Variants in ZNF385D observed in about 807,000 individuals in gnomAD.
ZNF385D encodes zinc finger protein 659.
ZNF385D carries 15 observed loss-of-function variants against 35.8 expected under a neutral mutation model. The observed-to-expected ratio is 0.42, with a 90% CI of 0.28 to 0.64. ZNF385D has a LOEUF of 0.64. ZNF385D is among the 30% of genes least tolerant of loss of function. ZNF385D has a pLI of 0.23. For synonymous variants in ZNF385D, 212 were observed against 186.8 expected (o/e 1.13, Z -1.10); for missense variants, 474 against 494.6 (o/e 0.96, Z 0.39).
chr3:22,321,053 T>G (rs1286008751), intron 2 of ZNF385D, among the ~76,000 whole-genome samples: 2 of 151,892 alleles, frequency 1.3e-5, no homozygotes, highest in African/African-American at 2.4e-5. Flanking sequence ...CTCCTAATTT[T>G]TACAATTGTT....
chr3:21,615,777 A>G (rs1001442110), intron 2 of ZNF385D, among the ~76,000 whole-genome samples: 2 of 108,448 alleles, frequency 1.8e-5, no homozygotes, highest in Non-Finnish European at 4.1e-5. Context: ...AATGACTGCA[A>G]AGAAAATGGA....
intron 3 of ZNF385D, among the ~76,000 whole-genome samples, chr3:21,812,287 G>A (rs574234117): frequency 3.9e-5 from 6 of 152,218 alleles, no homozygotes; most frequent in African/African-American, 9.6e-5. Flanking sequence ...CATGAGTGAC[G>A]CAGAAGATGG....
At chr3:21,737,009 G>A (rs186986155) in intron 1 of ZNF385D, among the ~76,000 whole-genome samples, 1 of 152,138 alleles carries the variant, frequency 6.6e-6, no homozygotes. Flanking sequence ...GCACAATCTC[G>A]GCTCACTGCA....
At chr3:22,105,740 C>T (rs1262021355) in intron 3 of ZNF385D, among the ~76,000 whole-genome samples, 1 of 152,092 alleles carries the variant, frequency 6.6e-6, no homozygotes, top group Non-Finnish European at 1.5e-5. Flanking sequence ...TTGGGTGATG[C>T]CTACCAACAT....
At chr3:21,990,560 G>A (rs974679486) in intron 3 of ZNF385D, among the ~76,000 whole-genome samples, 1 of 152,082 alleles carries the variant, frequency 6.6e-6, no homozygotes, top group Non-Finnish European at 1.5e-5. Flanking sequence ...GCAATTATCA[G>A]TAATTATATT....
At chr3:22,094,209 T>C (rs1471204322) in intron 3 of ZNF385D, among the ~76,000 whole-genome samples, 1 of 148,416 alleles carries the variant, frequency 6.7e-6, no homozygotes, top group Non-Finnish European at 1.5e-5. Flanking sequence ...GTTGTTCATA[T>C]TGCATTGTCA....
chr3:22,101,363 A>C (rs1293476319), intron 3 of ZNF385D, among the ~76,000 whole-genome samples: 1 of 152,048 alleles, frequency 6.6e-6, no homozygotes, highest in African/African-American at 2.4e-5. Context: ...TGAGCATATA[A>C]GGTGCTGGCA....
intron 3 of ZNF385D, among the ~76,000 whole-genome samples, chr3:21,981,888 T>C (rs1694474114): frequency 1.3e-5 from 2 of 152,144 alleles, no homozygotes; most frequent in Admixed American, 1.3e-4. Context: ...TGTGGCCTTA[T>C]TTCTGGGCTT....
chr3:21,704,049 G>A (rs1024849551), intron 1 of ZNF385D, among the ~76,000 whole-genome samples: 8 of 152,142 alleles, frequency 5.3e-5, no homozygotes, highest in Non-Finnish European at 1.2e-4. Context: ...AAATTGTTGT[G>A]CCCCTTTTTC....
intron 3 of ZNF385D, among the ~76,000 whole-genome samples, chr3:21,524,103 G>T (rs1348187587): frequency 6.6e-6 from 1 of 152,204 alleles, no homozygotes; most frequent in African/African-American, 2.4e-5. Flanking sequence ...TAGAATGGTT[G>T]ATATTCAAAG....
rs548438992 is a variant in ZNF385D at position 21,770,190 on chromosome 3, G to A, written c.326-105162C>T. ...ACATAGGCATGCGCAAGGACTTCAT[G>A]TCTAAAACACCAAAAGCAATGGCAA... On this transcript the variant is annotated intron_variant, in intron 3 of 5. Coordinates refer to the ZNF385D transcript ENST00000494108. Among the ~76,000 whole-genome samples, 12 of 152,256 alleles carry A rather than the reference G, an allele frequency of 7.9e-5. No individual in the cohort carries two copies. The East Asian group carries it at 2.3e-3, about 29-fold the overall frequency.
intron 3 of ZNF385D, among the ~76,000 whole-genome samples, chr3:21,558,548 G>A (rs1172447929): frequency 6.6e-6 from 1 of 152,120 alleles, no homozygotes; most frequent in Non-Finnish European, 1.5e-5. Flanking sequence ...TTTTGCATTT[G>A]CTGAGTAGTG....
At chr3:21,914,733 TAAGA>T (rs949211808) in intron 3 of ZNF385D, among the ~76,000 whole-genome samples, 2 of 152,078 alleles carry the variant, frequency 1.3e-5, no homozygotes, top group African/African-American at 4.8e-5. Context: ...TGCAGCATCT[TAAGA>T]AAGAGTTTTA....
chr3:22,157,061 G>A (rs1316128867), intron 3 of ZNF385D, among the ~76,000 whole-genome samples: 1 of 152,072 alleles, frequency 6.6e-6, no homozygotes, highest in Non-Finnish European at 1.5e-5. Flanking sequence ...TCTGAATCAA[G>A]GAGCAATCCA....
chr3:21,796,824 T>G (rs1395405804), intron 3 of ZNF385D, among the ~76,000 whole-genome samples: 1 of 152,172 alleles, frequency 6.6e-6, no homozygotes, highest in Non-Finnish European at 1.5e-5. Flanking sequence ...CCAAAAGTCC[T>G]TGCTCACAGA....
At chr3:21,534,211 C>A (rs766303684) in intron 3 of ZNF385D, among the ~76,000 whole-genome samples, 23 of 151,918 alleles carry the variant, frequency 1.5e-4, no homozygotes, top group Non-Finnish European at 2.9e-4. Context: ...TTTATCTTTC[C>A]ATTTCACAAA....
intron 3 of ZNF385D, among the ~76,000 whole-genome samples, chr3:22,039,268 AAAAAAG>A (rs201739664): frequency 0.037 from 5,606 of 150,200 alleles, 110 homozygotes; most frequent in Non-Finnish European, 0.046. Flanking sequence ...AAAAAAAAAA[AAAAAAG>A]AGTCTATGTA....
chr3:22,265,391 A>T (rs1481965657), intron 2 of ZNF385D, among the ~76,000 whole-genome samples: 1 of 152,014 alleles, frequency 6.6e-6, no homozygotes, highest in Non-Finnish European at 1.5e-5. Flanking sequence ...AATTTTTGTG[A>T]AACATTATTG....
chr3:21,443,828 T>A (rs1475338852), intron 4 of ZNF385D, among the ~76,000 whole-genome samples: 1 of 152,190 alleles, frequency 6.6e-6, no homozygotes, highest in Admixed American at 6.5e-5. Flanking sequence ...TTAAAAATTT[T>A]AGAAAGGAGA....
Sources: allele counts gnomAD v4.1 joint callset (sites outside exome capture counted in the v4.1 genomes callset), GRCh38; gene constraint gnomAD v4.1.1; transcripts MANE v1.5; gene names NCBI Gene and HGNC (gene_info 2026-07-23, HGNC 2026-07-21).